The following SH3D19 variants were observed in gnomAD, a reference collection of about 807,000 sequenced individuals.
SH3D19 encodes SH3 domain containing 19, also known as SH3 domain-containing protein 19.
A neutral mutation model predicts 112.1 loss-of-function variants in SH3D19; 58 were observed. That is an observed-to-expected ratio of 0.52 (90% CI 0.42 to 0.64). SH3D19 has a LOEUF of 0.64. Ranked by LOEUF, SH3D19 falls within the 30% of genes least tolerant of loss-of-function variation. The pLI is 0.00. For synonymous variants in SH3D19, 391 were observed against 448.5 expected (o/e 0.87, Z 1.62); for missense variants, 1,090 against 1,263.4 (o/e 0.86, Z 2.08).
At chr4:151,257,767 G>T (rs1166693619) in intron 1 of SH3D19, among the ~76,000 whole-genome samples, 1 of 152,100 alleles carries the variant, frequency 6.6e-6, no homozygotes, top group Non-Finnish European at 1.5e-5. Context: ...AAATTAGCCA[G>T]GTGTGGTGGC....
At chr4:151,140,093 T>C (rs1197379542) in intron 12 of SH3D19, 1 of 437,436 alleles carries the variant, frequency 2.3e-6, no homozygotes, top group Admixed American at 3.9e-5. Flanking sequence ...TTCTTTTTGC[T>C]TTTTTAAGCT....
chr4:151,292,353 C>T (rs12643383), intron 1 of SH3D19, among the ~76,000 whole-genome samples: 12,017 of 151,918 alleles, frequency 0.079, 531 homozygotes, highest in Middle Eastern at 0.12. Context: ...TGTAGTTCAG[C>T]CCTATATTTT....
intron 3 of SH3D19, among the ~76,000 whole-genome samples, chr4:151,185,318 G>A (rs1227024080): frequency 6.6e-6 from 1 of 152,034 alleles, no homozygotes; most frequent in Non-Finnish European, 1.5e-5. Flanking sequence ...GCCTCTTGAA[G>A]GCATAGCTTG....
At chr4:151,277,546 G>A (rs1773759547) in intron 1 of SH3D19, among the ~76,000 whole-genome samples, 1 of 152,140 alleles carries the variant, frequency 6.6e-6, no homozygotes, top group African/African-American at 2.4e-5. Context: ...GGGCAGGAGT[G>A]TTGCAATCTT....
chr4:151,282,506 AT>A, intron 1 of SH3D19: 1 of 1,344,112 alleles, frequency 7.4e-7, no homozygotes, highest in Non-Finnish European at 1.0e-6. Flanking sequence ...CATGGAAAAT[AT>A]TTTTCAACAA....
At chr4:151,278,757 A>G (rs1401453733) in intron 1 of SH3D19, among the ~76,000 whole-genome samples, 2 of 152,088 alleles carry the variant, frequency 1.3e-5, no homozygotes, top group African/African-American at 2.4e-5. Flanking sequence ...CAGCCTCCCA[A>G]GTAGCTGGGA....
chr4:151,133,073 G>T lies in SH3D19; in HGVS notation c.2650C>A (p.Pro884Thr). The change falls in exon 16 of 20, where the codon CCT becomes ACT. Residue 884 changes from proline to threonine, a missense_variant. Transcript: ENST00000604030. ...TGIFPLNFVE[P>T]VEDYPTSGAN... is the part of the protein sequence containing the mutation. Reference sequence around the variant, plus strand: ...CCAGAGGTGGGATAATCCTCAACAGGCTCCACAAAGTTCAGGGGGAAAATC... The same window carrying T: ...CCAGAGGTGGGATAATCCTCAACAGTCTCCACAAAGTTCAGGGGGAAAATC... 1.9e-6 allele frequency: 3 copies of T among 1,613,928 alleles called. No homozygotes were observed. Among genetic ancestry groups the T allele is most frequent in the Non-Finnish European group, 2.5e-6 (3 of 1,179,900 alleles).
intron 2 of SH3D19, among the ~76,000 whole-genome samples, chr4:151,212,342 G>C (rs1766100460): frequency 6.6e-6 from 1 of 151,912 alleles, no homozygotes; most frequent in East Asian, 1.9e-4. Context: ...ACAGGGTCTT[G>C]CTATGTTGCC....
At chr4:151,132,529 G>A (rs541089122) in intron 16 of SH3D19, 146 bp from the exon 17 acceptor site, 353 of 671,206 alleles carry the variant, frequency 5.3e-4, no homozygotes, top group Middle Eastern at 4.9e-4. Flanking sequence ...TCTATGTTGC[G>A]TTAACCTGTA....
intron 17 of SH3D19, among the ~76,000 whole-genome samples, chr4:151,130,200 G>A (rs1268190276): frequency 1.3e-5 from 2 of 152,150 alleles, no homozygotes; most frequent in African/African-American, 2.4e-5. Context: ...CTAGTACCTT[G>A]GGAGGCTGAG....
At chr4:151,202,262 G>C (rs1764507519) in intron 2 of SH3D19, among the ~76,000 whole-genome samples, 1 of 152,182 alleles carries the variant, frequency 6.6e-6, no homozygotes, top group African/African-American at 2.4e-5. Context: ...TTGAACTCAG[G>C]AGGCGGAGGT....
At chr4:151,147,535 C>T (rs929130139) in intron 11 of SH3D19, among the ~76,000 whole-genome samples, 2 of 152,202 alleles carry the variant, frequency 1.3e-5, no homozygotes, top group East Asian at 3.9e-4. Context: ...AATCTTGGCT[C>T]ACTGCAACCT....
chr4:151,175,936 A>C (rs1326741075), intron 6 of SH3D19, among the ~76,000 whole-genome samples: 1 of 151,894 alleles, frequency 6.6e-6, no homozygotes, highest in Non-Finnish European at 1.5e-5. Context: ...AGTGGCTCTA[A>C]CACGGCTCAC....
intron 1 of SH3D19, among the ~76,000 whole-genome samples, chr4:151,255,011 C>T (rs1247913233): frequency 7.2e-4 from 108 of 150,400 alleles, no homozygotes; most frequent in Non-Finnish European, 1.4e-3. Flanking sequence ...TCCTCACTTC[C>T]CAGTAGGGGC....
intron 1 of SH3D19, among the ~76,000 whole-genome samples, chr4:151,306,934 C>T (rs999588688): frequency 6.6e-6 from 1 of 152,126 alleles, no homozygotes; most frequent in African/African-American, 2.4e-5. Flanking sequence ...TTATCATCCA[C>T]TCTCCCGCAT....
chr4:151,165,728 T>G (rs1431019509), intron 7 of SH3D19, 32 bp from the exon 8 acceptor site: 7 of 1,571,328 alleles, frequency 4.5e-6, no homozygotes, highest in Non-Finnish European at 6.1e-6. Flanking sequence ...TTTGCATGTT[T>G]TAGTTAACAT....
Position 151,198,403 on chromosome 4 carries a change from TATTA to T in SH3D19, c.153-10944_153-10941del, listed in dbSNP as rs566189426. 6.6e-3 allele frequency among the ~76,000 whole-genome samples: 951 copies of T among 143,720 alleles called. 4 individuals are homozygous for T. The highest frequency in any genetic ancestry group is 0.023 in the African/African-American group (916 of 39,380). The allele number at this position is 143,720 out of a possible 152,430, so 94.3% of individuals were successfully genotyped here. A position where few individuals can be genotyped will look rare whatever the true frequency, so the allele number is the denominator to read the frequency against. ...TATATAATATATAATATATATCATA[TATTA>T]TATATTATATAAAATATATATTATA... On this transcript the variant is annotated intron_variant, in intron 2 of 19. Transcript: ENST00000604030.
At chr4:151,307,486 G>A (rs973353360) in intron 1 of SH3D19, among the ~76,000 whole-genome samples, 2 of 152,376 alleles carry the variant, frequency 1.3e-5, no homozygotes, top group African/African-American at 2.4e-5. Flanking sequence ...GCGTCTGGGC[G>A]CCAACCCTTA....
intron 1 of SH3D19, among the ~76,000 whole-genome samples, chr4:151,246,307 C>G (rs1322290478): frequency 6.6e-6 from 1 of 152,154 alleles, no homozygotes; most frequent in Non-Finnish European, 1.5e-5. Flanking sequence ...TGTATCTATC[C>G]TTTCAACATC....
Sources: allele counts gnomAD v4.1 joint callset (sites outside exome capture counted in the v4.1 genomes callset), GRCh38; gene constraint gnomAD v4.1.1; transcripts MANE v1.5; gene names NCBI Gene and HGNC (gene_info 2026-07-23, HGNC 2026-07-21).